Variants in GRIA2 observed in about 807,000 individuals in gnomAD.
GRIA2 encodes glutamate receptor 2.
Under a neutral mutation model 97.3 loss-of-function variants are expected in GRIA2, and 14 were observed. The ratio of observed to expected loss-of-function variants is 0.14; its 90% confidence interval spans 0.10 to 0.23. The LOEUF is 0.23. Ranked by LOEUF, GRIA2 falls within the 10% of genes least tolerant of loss-of-function variation. The pLI is 1.00. For missense variants in GRIA2, 558 were observed against 1,069.8 expected (o/e 0.52, Z 6.67); for synonymous variants, 412 against 387.8 (o/e 1.06, Z -0.73).
At chr4:157,335,540 G>A (rs1398735832) in intron 9 of GRIA2, 131 bp from the exon 10 acceptor site, 2 of 643,112 alleles carry the variant, frequency 3.1e-6, no homozygotes, top group Admixed American at 2.4e-5. Flanking sequence ...CTCTACTGTT[G>A]TGTGTTCACC....
chr4:157,353,487 G>C (rs781004207), intron 12 of GRIA2, among the ~76,000 whole-genome samples: 4 of 151,550 alleles, frequency 2.6e-5, no homozygotes, highest in South Asian at 2.1e-4. Context: ...TGGCTAACAC[G>C]ATGAAACCCC....
At chr4:157,241,490 T>G (rs1184960512) in intron 2 of GRIA2, among the ~76,000 whole-genome samples, 1 of 152,096 alleles carries the variant, frequency 6.6e-6, no homozygotes, top group African/African-American at 2.4e-5. Context: ...GACTTGCCTC[T>G]CTCCATTTCT....
chr4:157,360,247 A>C, intron 13 of GRIA2, 104 bp downstream of exon 13: 1 of 1,139,456 alleles, frequency 8.8e-7, no homozygotes, highest in Non-Finnish European at 1.2e-6. Flanking sequence ...ATATGAGGTA[A>C]CTCACCATCA....
intron 12 of GRIA2, among the ~76,000 whole-genome samples, chr4:157,351,284 G>T (rs947098422): frequency 1.1e-4 from 16 of 152,054 alleles, no homozygotes; most frequent in African/African-American, 3.6e-4. Context: ...GTTCATGATA[G>T]ATCTTGAATG....
At chr4:157,355,810 AT>A (rs1188684070) in intron 12 of GRIA2, among the ~76,000 whole-genome samples, 4 of 88,868 alleles carry the variant, frequency 4.5e-5, no homozygotes, top group Non-Finnish European at 6.1e-5. Flanking sequence ...ATATTTATAT[AT>A]TAGTTATATA....
Position 157,336,765 on chromosome 4 carries a change from T to G in GRIA2, c.1844+18T>G. ...TCGCCAAGGTTGGTTACTCACCTGCTTCAACTTTGTGCATTTCAGGTCTCA... is the reference window on the plus strand; with the variant it reads ...TCGCCAAGGTTGGTTACTCACCTGCGTCAACTTTGTGCATTTCAGGTCTCA... On this transcript the variant is annotated intron_variant, in intron 11 of 15. Transcript: ENST00000264426. 1 of 1,598,370 alleles carries G rather than the reference T, an allele frequency of 6.3e-7. No homozygotes were observed. The highest frequency in any genetic ancestry group is 8.5e-7 in the Non-Finnish European group (1 of 1,171,716).
At chr4:157,248,648 T>A (rs1245793639) in intron 2 of GRIA2, among the ~76,000 whole-genome samples, 16 of 142,462 alleles carry the variant, frequency 1.1e-4, no homozygotes, top group African/African-American at 4.1e-4. Flanking sequence ...CCTGTATATA[T>A]ATACATACGT....
At chr4:157,338,059 T>TATA (rs70958819) in intron 11 of GRIA2, among the ~76,000 whole-genome samples, 2 of 110,400 alleles carry the variant, frequency 1.8e-5, no homozygotes, top group Admixed American at 1.1e-4. Flanking sequence ...TACACACACA[T>TATA]TTTTTTTATC....
At chr4:157,283,470 A>C (rs372071688) in intron 2 of GRIA2, among the ~76,000 whole-genome samples, 4 of 152,158 alleles carry the variant, frequency 2.6e-5, no homozygotes, top group South Asian at 2.1e-4. Context: ...ATAATGTAGG[A>C]ATTATAAATA....
chr4:157,336,810 T>C, intron 11 of GRIA2, 63 bp downstream of exon 11: 1 of 1,497,810 alleles, frequency 6.7e-7, no homozygotes, highest in Non-Finnish European at 9.1e-7. Context: ...TCATGGTGTT[T>C]ATGGATTCAC....
intron 2 of GRIA2, among the ~76,000 whole-genome samples, chr4:157,254,455 G>A (rs1579307069): frequency 6.6e-6 from 1 of 151,962 alleles, no homozygotes; most frequent in African/African-American, 2.4e-5. Flanking sequence ...TCTGCTTCAT[G>A]TAACTGATAA....
intron 4 of GRIA2, among the ~76,000 whole-genome samples, chr4:157,316,515 G>C (rs925295442): frequency 6.6e-6 from 1 of 152,052 alleles, no homozygotes; most frequent in African/African-American, 2.4e-5. Context: ...GGGGGTGTAA[G>C]AATGTTCAAG....
chr4:157,362,367 C>T (rs1262424221), intron 14 of GRIA2: 4 of 456,458 alleles, frequency 8.8e-6, no homozygotes, highest in Admixed American at 7.1e-5. Context: ...ACATGGTCAA[C>T]ATTTAAAACT....
At chr4:157,336,349 C>T (rs765421438) in intron 10 of GRIA2, 28 bp from the exon 11 acceptor site, 1 of 1,504,060 alleles carries the variant, frequency 6.6e-7, no homozygotes, top group South Asian at 1.4e-5. Context: ...ACTCCAGGTA[C>T]TATTACTTTC....
intron 2 of GRIA2, among the ~76,000 whole-genome samples, chr4:157,287,932 T>C (rs1407280809): frequency 4.6e-5 from 7 of 151,570 alleles, no homozygotes; most frequent in Non-Finnish European, 4.4e-5. Flanking sequence ...GTGATCTGAG[T>C]CTTGCATATA....
chr4:157,363,565 T>C lies in GRIA2; in HGVS notation c.*134T>C, dbSNP rs1437252345. On this transcript the variant is annotated 3_prime_UTR_variant, in exon 16 of 16. Coordinates refer to ENST00000264426, the MANE Select transcript of GRIA2 (RefSeq NM_001083619.3). ...GCTGTCCCTTACGTGAGTCCTGGCA[T>C]GGGAATGAATGTCAGTGTGACTGAT... The C allele has an allele frequency of 1.9e-5, 24 of 1,234,412 alleles. No homozygotes were observed. The highest frequency in any genetic ancestry group is 2.4e-5 in the Non-Finnish European group (24 of 988,246). 76.5% of individuals were successfully genotyped at this position (1,234,412 alleles called of 1,614,324 possible).
At chr4:157,309,775 A>G (rs1490703042) in intron 3 of GRIA2, among the ~76,000 whole-genome samples, 1 of 152,190 alleles carries the variant, frequency 6.6e-6, no homozygotes, top group Admixed American at 6.5e-5. Flanking sequence ...TATATGTCAA[A>G]AGTTGAGACA....
At chr4:157,302,246 C>T (rs1733648921) in intron 2 of GRIA2, among the ~76,000 whole-genome samples, 1 of 151,408 alleles carries the variant, frequency 6.6e-6, no homozygotes, top group Non-Finnish European at 1.5e-5. Context: ...TGCGGATCGT[C>T]AGTGCTCTGT....
Position 157,261,235 on chromosome 4 carries a change from CAT to C in GRIA2, c.229+39430_229+39431del, listed in dbSNP as rs1297027982. 2.6e-5 allele frequency among the ~76,000 whole-genome samples: 4 copies of C among 152,172 alleles called. No homozygotes were observed. The South Asian group carries it at 8.3e-4, about 32-fold the overall frequency. Reference sequence around the variant, plus strand: ...GGGGAACTTCTAAATAAAGTTGACACATAATTTTATATATCAACATTTAACAT... The same window carrying C: ...GGGGAACTTCTAAATAAAGTTGACACAATTTTATATATCAACATTTAACAT... On this transcript the variant is annotated intron_variant, in intron 2 of 15. Coordinates refer to ENST00000264426, the MANE Select transcript of GRIA2 (RefSeq NM_001083619.3).
Sources: allele counts gnomAD v4.1 joint callset (sites outside exome capture counted in the v4.1 genomes callset), GRCh38; gene constraint gnomAD v4.1.1; transcripts MANE v1.5; gene names NCBI Gene and HGNC (gene_info 2026-07-23, HGNC 2026-07-21).